Variants in CACNA1E observed in about 807,000 individuals in gnomAD.
The protein encoded by CACNA1E is calcium voltage-gated channel subunit alpha1 E.
In CACNA1E, 40 loss-of-function variants were observed where a neutral mutation model predicts 259.2. That is an observed-to-expected ratio of 0.15 (90% CI 0.12 to 0.20). The LOEUF is 0.20. CACNA1E is among the 10% of genes least tolerant of loss of function. CACNA1E has a pLI of 1.00. For synonymous variants in CACNA1E, 1,104 were observed against 1,138.5 expected (o/e 0.97, Z 0.61); for missense variants, 1,874 against 3,040.1 (o/e 0.62, Z 9.02).
chr1:181,434,045 G>A (rs1659909321), intron 2 of CACNA1E, among the ~76,000 whole-genome samples: 1 of 152,162 alleles, frequency 6.6e-6, no homozygotes, highest in African/African-American at 2.4e-5. Flanking sequence ...GAGGCTTCCT[G>A]GTCCCCATCC....
intron 34 of CACNA1E, among the ~76,000 whole-genome samples, chr1:181,766,285 C>T (rs774943060): frequency 6.6e-6 from 1 of 152,188 alleles, no homozygotes; most frequent in Non-Finnish European, 1.5e-5. Context: ...TAGATATGGG[C>T]TACATTTATG....
intron 1 of CACNA1E, among the ~76,000 whole-genome samples, chr1:181,335,163 A>G (rs1651604024): frequency 6.6e-6 from 1 of 151,938 alleles, no homozygotes; most frequent in Non-Finnish European, 1.5e-5. Flanking sequence ...ATTCCTACCA[A>G]CCCTGCCCTC....
intron 35 of CACNA1E, among the ~76,000 whole-genome samples, chr1:181,768,612 G>T (rs1659224371): frequency 6.6e-6 from 1 of 152,186 alleles, no homozygotes. Flanking sequence ...GGTAGAAGTT[G>T]TTCAATTATG....
intron 13 of CACNA1E, 29 bp from the exon 14 acceptor site, chr1:181,720,168 GCAGTGTTCA>G (rs773898855): frequency 6.2e-7 from 1 of 1,612,480 alleles, no homozygotes; most frequent in African/African-American, 1.3e-5. Context: ...GACTTGGTAT[GCAGTGTTCA>G]CAGCTGTCAC....
rs149193607 is a variant in CACNA1E, at chr1:181,738,528, T to A, written c.3612+102T>A. On this transcript the variant is annotated intron_variant, in intron 24 of 47. Coordinates refer to ENST00000367573, the MANE Select transcript of CACNA1E (RefSeq NM_001205293.3). ...CTCAGTGTTACCACCTACCAGCCAA[T>A]GGCAGCCCTCAGTAGAGCTTCTGCC... 11 of 902,200 alleles carry A rather than the reference T, an allele frequency of 1.2e-5. No individual in the cohort carries two copies. In the African/African-American group the frequency reaches 1.7e-4, roughly 14 times the overall value. The allele number at this position is 902,200 out of a possible 1,614,324, so 55.9% of individuals were successfully genotyped here. A position where few individuals can be genotyped will look rare whatever the true frequency, so the allele number is the denominator to read the frequency against.
At position 181,390,567 on chromosome 1, in the gene CACNA1E, G is replaced by A. The variant is rs925408424; in HGVS notation, c.-14-22566G>A. 9.9e-5 allele frequency among the ~76,000 whole-genome samples: 15 copies of A among 152,200 alleles called. No homozygotes were observed. The South Asian group carries it at 2.1e-3, about 21-fold the overall frequency. ...AGGAGAGTGTAAATCCATGAGTCAGGGAAGCACATCAAGGACTGGAAGCGA... is the reference window on the plus strand; with the variant it reads ...AGGAGAGTGTAAATCCATGAGTCAGAGAAGCACATCAAGGACTGGAAGCGA... On this transcript the variant is annotated intron_variant, in intron 1 of 11. Transcript: ENST00000524607.
chr1:181,527,417 G>T (rs1031899724), intron 3 of CACNA1E, among the ~76,000 whole-genome samples: 3 of 152,194 alleles, frequency 2.0e-5, no homozygotes, highest in Non-Finnish European at 2.9e-5. Context: ...GGATTTTGGG[G>T]ATACACAAAC....
chr1:181,754,422 G>A (rs1003146007), intron 27 of CACNA1E, among the ~76,000 whole-genome samples: 1 of 152,184 alleles, frequency 6.6e-6, no homozygotes, highest in East Asian at 1.9e-4. Flanking sequence ...GGGCTAGATT[G>A]TCCTGTGAGC....
chr1:181,631,897 A>G (rs1015292782), intron 6 of CACNA1E, among the ~76,000 whole-genome samples: 4 of 152,200 alleles, frequency 2.6e-5, no homozygotes, highest in African/African-American at 9.7e-5. Flanking sequence ...AGACTCCATA[A>G]GCCCAGGGAG....
At chr1:181,638,462 A>G (rs1416331096) in intron 6 of CACNA1E, among the ~76,000 whole-genome samples, 2 of 152,176 alleles carry the variant, frequency 1.3e-5, no homozygotes, top group African/African-American at 4.8e-5. Flanking sequence ...CCCAGGCAAT[A>G]CAATATAGCT....
intron 2 of CACNA1E, among the ~76,000 whole-genome samples, chr1:181,454,133 T>C (rs550199757): frequency 2.6e-5 from 4 of 152,300 alleles, no homozygotes; most frequent in Middle Eastern, 3.4e-3. Context: ...ACTTTTGTTA[T>C]GAATCCAAGG....
At chr1:181,522,572 A>G (rs1300260226) in intron 3 of CACNA1E, among the ~76,000 whole-genome samples, 1 of 152,202 alleles carries the variant, frequency 6.6e-6, no homozygotes. Context: ...ACACATCATG[A>G]TGCTGAATCT....
intron 6 of CACNA1E, among the ~76,000 whole-genome samples, chr1:181,627,512 T>C (rs1001941025): frequency 1.4e-4 from 21 of 152,046 alleles, no homozygotes; most frequent in Non-Finnish European, 2.9e-5. Context: ...TGTGTCATGG[T>C]GTCTAACTAG....
chr1:181,484,442 T>G (rs1663600823), intron 1 of CACNA1E, among the ~76,000 whole-genome samples: 1 of 152,216 alleles, frequency 6.6e-6, no homozygotes, highest in South Asian at 2.1e-4. Flanking sequence ...GACACCGCAC[T>G]GTCTTCCTGT....
chr1:181,624,346 T>A (rs72733118), intron 6 of CACNA1E, among the ~76,000 whole-genome samples: 2,212 of 152,334 alleles, frequency 0.015, 36 homozygotes, highest in Non-Finnish European at 0.02. Context: ...AGCCATTGAC[T>A]CTTTCGTGAA....
At chr1:181,785,258 T>A in intron 41 of CACNA1E, 60 bp from the exon 42 acceptor site, 1 of 961,738 alleles carries the variant, frequency 1.0e-6, no homozygotes, top group Non-Finnish European at 1.7e-6. Context: ...GCTTAGAGGT[T>A]CCTCACTCTC....
intron 6 of CACNA1E, among the ~76,000 whole-genome samples, chr1:181,644,577 G>C (rs1658093262): frequency 6.6e-6 from 1 of 152,186 alleles, no homozygotes. Flanking sequence ...TGTGACTCAG[G>C]GGAGGGGTGT....
At chr1:181,380,385 A>G (rs1203716886) in intron 1 of CACNA1E, among the ~76,000 whole-genome samples, 1 of 152,190 alleles carries the variant, frequency 6.6e-6, no homozygotes, top group Non-Finnish European at 1.5e-5. Flanking sequence ...AAGTAAACCC[A>G]AAGTAAGTTC....
At chr1:181,749,228 C>G (rs1047352570) in intron 25 of CACNA1E, among the ~76,000 whole-genome samples, 1 of 152,224 alleles carries the variant, frequency 6.6e-6, no homozygotes, top group African/African-American at 2.4e-5. Context: ...ACCTTCATCA[C>G]AATGTCCAAC....
Sources: gnomAD v4.1 joint callset for allele counts (sites outside exome capture counted in the v4.1 genomes callset) on GRCh38, gnomAD v4.1.1 for gene constraint, MANE v1.5 for transcripts, NCBI Gene and HGNC (gene_info 2026-07-23, HGNC 2026-07-21) for gene names.